Variants in AGTR1 observed in about 807,000 individuals in gnomAD.
The protein encoded by AGTR1 is angiotensin II receptor type 1, also known as type-1 angiotensin II receptor.
In AGTR1, 16 loss-of-function variants were observed where a neutral mutation model predicts 19.4. The ratio of observed to expected loss-of-function variants is 0.82; its 90% confidence interval spans 0.56 to 1.25. The LOEUF (loss-of-function observed/expected upper bound fraction) is 1.25, where lower values mean the gene tolerates loss of function less well. Ranked by LOEUF, AGTR1 falls within the 50% of genes most tolerant of loss-of-function variation. The probability of loss-of-function intolerance (pLI) is 0.00; values close to 1 mark genes in which losing one functional copy is unlikely to be tolerated. For synonymous variants in AGTR1, 153 were observed against 154.9 expected, an observed-to-expected ratio of 0.99 and a Z score of 0.09; for missense variants, 373 against 431.9, an observed-to-expected ratio of 0.86 and a Z score of 1.21.
intron 2 of AGTR1, among the ~76,000 whole-genome samples, chr3:148,709,447 A>G (rs1206795452): frequency 1.3e-5 from 2 of 152,180 alleles, no homozygotes; most frequent in Non-Finnish European, 2.9e-5. Flanking sequence ...TTCCAAAATA[A>G]CTATGATGTT....
At chr3:148,727,425 C>T (rs1396082346) in intron 2 of AGTR1, among the ~76,000 whole-genome samples, 3 of 152,102 alleles carry the variant, frequency 2.0e-5, no homozygotes, top group Non-Finnish European at 4.4e-5. Flanking sequence ...TCAGATTCCC[C>T]GAAGTGTCTA....
intron 2 of AGTR1, among the ~76,000 whole-genome samples, chr3:148,733,006 C>T (rs1206295687): frequency 6.6e-6 from 1 of 151,962 alleles, no homozygotes. Context: ...TCCCAAAGTG[C>T]TGGGATTACA....
In AGTR1 at chr3:148,734,993, G is replaced by A. The variant is rs570093899; in HGVS notation, c.-47-5996G>A. Among the ~76,000 whole-genome samples, 10 of 152,288 alleles carry A rather than the reference G, an allele frequency of 6.6e-5. No homozygotes were observed. The South Asian group carries it at 2.1e-3, about 32-fold the overall frequency. On this transcript the variant is annotated intron_variant, in intron 2 of 2. Coordinates refer to ENST00000349243, the MANE Select transcript of AGTR1 (RefSeq NM_000685.5). ...AACTGCCCTTCCTGCCTTAAATACA[G>A]AATGCCAGATCACAGCTCTGAATAA...
At chr3:148,715,425 C>T (rs1287052123) in intron 2 of AGTR1, among the ~76,000 whole-genome samples, 3 of 152,062 alleles carry the variant, frequency 2.0e-5, no homozygotes, top group African/African-American at 7.2e-5. Context: ...TTACTATTTC[C>T]AATAGATGGG....
intron 2 of AGTR1, chr3:148,739,719 G>A (rs1714767955): frequency 8.5e-7 from 1 of 1,179,634 alleles, no homozygotes; most frequent in Non-Finnish European, 1.1e-6. Flanking sequence ...CTAAGAACAT[G>A]TGTTCAGCTC....
intron 2 of AGTR1, among the ~76,000 whole-genome samples, chr3:148,734,817 A>C (rs1714482299): frequency 6.6e-6 from 1 of 152,180 alleles, no homozygotes; most frequent in Non-Finnish European, 1.5e-5. Flanking sequence ...GTATAGAGGC[A>C]AATACAACCT....
intron 2 of AGTR1, among the ~76,000 whole-genome samples, chr3:148,729,588 A>G (rs1487470453): frequency 6.6e-6 from 1 of 152,230 alleles, no homozygotes; most frequent in Non-Finnish European, 1.5e-5. Context: ...AGCAGTCACC[A>G]GTAGCTCATC....
At chr3:148,715,753 C>A (rs2107940565) in intron 2 of AGTR1, among the ~76,000 whole-genome samples, 1 of 152,076 alleles carries the variant, frequency 6.6e-6, no homozygotes, top group East Asian at 1.9e-4. Flanking sequence ...TAATTAAATG[C>A]TATCATTAGA....
At position 148,703,013 on chromosome 3, in the gene AGTR1, G is replaced by A. The variant is rs12721228; in HGVS notation, c.-132+4886G>A. On this transcript the variant is annotated intron_variant, in intron 1 of 2. Coordinates refer to ENST00000349243, the MANE Select transcript of AGTR1 (RefSeq NM_000685.5). ...TTTCAGTCTACAGCAGCAATGACAAGGGTAAAGTGGAGAAAAGAGTAAGGA... is the reference window on the plus strand; with the variant it reads ...TTTCAGTCTACAGCAGCAATGACAAAGGTAAAGTGGAGAAAAGAGTAAGGA... Among the ~76,000 whole-genome samples, 489 of 152,196 alleles carry A rather than the reference G, an allele frequency of 3.2e-3. 2 individuals are homozygous for A. The highest frequency in any genetic ancestry group is 0.011 in the African/African-American group (471 of 41,534).
intron 2 of AGTR1, 63 bp from the exon 3 acceptor site, chr3:148,740,926 T>A: frequency 7.1e-7 from 1 of 1,413,148 alleles, no homozygotes; most frequent in Non-Finnish European, 9.7e-7. Flanking sequence ...AAATGAATGT[T>A]TGTTAGTTTG....
intron 2 of AGTR1, among the ~76,000 whole-genome samples, chr3:148,717,936 C>T (rs1713391358): frequency 1.3e-5 from 2 of 152,140 alleles, no homozygotes; most frequent in Admixed American, 1.3e-4. Context: ...CCTGCAAATA[C>T]ATAGAAAACA....
chr3:148,741,291 G>C lies in AGTR1; in HGVS notation c.256G>C (p.Val86Leu), dbSNP rs149809890. The C allele has an allele frequency of 9.9e-6, 16 of 1,612,660 alleles. No homozygotes were observed. The highest frequency in any genetic ancestry group is 1.3e-5 in the Non-Finnish European group (15 of 1,180,018). The change falls in exon 3 of 3, where the codon GTC becomes CTC. Residue 86 changes from valine (V) to leucine (L), a missense_variant. Physicochemically the swap from Val to Leu is conservative, Grantham distance 32. Coordinates refer to ENST00000349243, the MANE Select transcript of AGTR1 (RefSeq NM_000685.5). ...TTTACTGACTTTGCCACTATGGGCTGTCTACACAGCTATGGAATACCGCTG... is the reference window on the plus strand; with the variant it reads ...TTTACTGACTTTGCCACTATGGGCTCTCTACACAGCTATGGAATACCGCTG... The part of the protein sequence containing the change: ...CFLLTLPLWA[V>L]YTAMEYRWPF...
At position 148,742,112 on chromosome 3, in the gene AGTR1, G is replaced by A. The variant is rs570433142; in HGVS notation, c.1077G>A (p.Glu359=). ...AGCCTGCACCATGTTTTGAGGTTGA[G>A]TGACATGTTCGAAACCTGTCCATAA... The part of the protein sequence containing the change: ...TKKPAPCFEV[E] Residue 359 remains glutamate (E), a synonymous_variant, in exon 3 of 3, where the codon GAG becomes GAA. Coordinates refer to ENST00000349243, the MANE Select transcript of AGTR1 (RefSeq NM_000685.5). 6.2e-7 allele frequency: 1 copy of A among 1,613,978 alleles called. No homozygotes were observed. Among genetic ancestry groups the A allele is most frequent in the East Asian group, 2.2e-5 (1 of 44,860 alleles).
intron 2 of AGTR1, among the ~76,000 whole-genome samples, chr3:148,715,929 G>A (rs986504344): frequency 1.4e-4 from 21 of 152,082 alleles, no homozygotes; most frequent in Non-Finnish European, 3.1e-4. Context: ...TAGAGAGTTT[G>A]TGACTTGGAT....
intron 2 of AGTR1, among the ~76,000 whole-genome samples, chr3:148,709,568 T>C (rs1712866704): frequency 6.6e-6 from 1 of 152,218 alleles, no homozygotes; most frequent in Non-Finnish European, 1.5e-5. Context: ...TAAGAAGCTA[T>C]TTTTTGTTTG....
chr3:148,723,174 T>C (rs1333203419), intron 2 of AGTR1, among the ~76,000 whole-genome samples: 3 of 152,184 alleles, frequency 2.0e-5, no homozygotes, highest in African/African-American at 7.2e-5. Flanking sequence ...GCACTTTTTT[T>C]ATGTGTGTGT....
At chr3:148,735,156 T>G (rs951512875) in intron 2 of AGTR1, among the ~76,000 whole-genome samples, 4 of 152,146 alleles carry the variant, frequency 2.6e-5, no homozygotes, top group African/African-American at 9.7e-5. Context: ...GTTTCCTGAT[T>G]AAAGCCAGGG....
In AGTR1 at chr3:148,711,926, A is replaced by AT. The variant is rs79389879; in HGVS notation, c.-48+3905dup. ...CTATGCCCAGCTAATTATTTTTTTA[A>AT]TTTTTTGTAGAGATGTCGTCTTGCT... On this transcript the variant is annotated intron_variant, in intron 2 of 2. Coordinates refer to ENST00000349243, the MANE Select transcript of AGTR1 (RefSeq NM_000685.5). 3.9e-3 allele frequency among the ~76,000 whole-genome samples: 593 copies of AT among 152,020 alleles called. 3 individuals are homozygous for AT. Among genetic ancestry groups the AT allele is most frequent in the African/African-American group, 0.014 (565 of 41,468 alleles).
chr3:148,717,617 A>G (rs1479831069), intron 2 of AGTR1, among the ~76,000 whole-genome samples: 2 of 152,364 alleles, frequency 1.3e-5, no homozygotes, highest in East Asian at 1.9e-4. Context: ...TTTGAATTAT[A>G]GTAGAAGAGT....
Sources: gnomAD v4.1 joint callset for allele counts (sites outside exome capture counted in the v4.1 genomes callset) on GRCh38, gnomAD v4.1.1 for gene constraint, MANE v1.5 for transcripts, NCBI Gene and HGNC (gene_info 2026-07-23, HGNC 2026-07-21) for gene names.